NT5M: variants seen among roughly 807,000 people sequenced by gnomAD.
The protein encoded by NT5M is 5',3'-nucleotidase, mitochondrial, also known as 5'(3')-deoxyribonucleotidase, mitochondrial.
NT5M carries 22 observed loss-of-function variants against 22.2 expected under a neutral mutation model. The ratio of observed to expected loss-of-function variants is 0.99; its 90% CI spans 0.71 to 1.41. The LOEUF (loss-of-function observed/expected upper bound fraction) is 1.41. Ranked by LOEUF, NT5M falls within the 40% of genes most tolerant of loss-of-function variation. NT5M has a pLI of 0.00. For synonymous variants in NT5M, 167 were observed against 133.0 expected, an observed-to-expected ratio of 1.26 and a Z score of -1.76; for missense variants, 322 against 314.8, an observed-to-expected ratio of 1.02 and a Z score of -0.17.
rs143132450 is a variant in NT5M at position 17,331,619 on chromosome 17, A to G, written c.429+8374A>G. 2.6e-3 allele frequency among the ~76,000 whole-genome samples: 394 copies of G among 151,422 alleles called. 19 individuals are homozygous for G. Among genetic ancestry groups the G allele is most frequent in the African/African-American group, 8.9e-3 (365 of 40,846 alleles). On this transcript the variant is annotated intron_variant, in intron 3 of 4. Coordinates refer to ENST00000389022, the MANE Select transcript of NT5M (RefSeq NM_020201.4). ...TTTATGTAATTTTTTTTTTAAAGACAGAGTCTCGTTCTGTTGCCCAGGTGG... is the reference window on the plus strand; with the variant it reads ...TTTATGTAATTTTTTTTTTAAAGACGGAGTCTCGTTCTGTTGCCCAGGTGG...
At chr17:17,306,819 C>T (rs1253806977) in intron 2 of NT5M, among the ~76,000 whole-genome samples, 176 bp downstream of exon 2, 2 of 152,316 alleles carry the variant, frequency 1.3e-5, no homozygotes, top group South Asian at 2.1e-4. Context: ...ACAATGATCT[C>T]GGTTTGTAGG....
chr17:17,323,881 A>G (rs941945022), intron 3 of NT5M, among the ~76,000 whole-genome samples: 2 of 151,618 alleles, frequency 1.3e-5, no homozygotes, highest in African/African-American at 4.8e-5. Flanking sequence ...CTGGATTCCC[A>G]TTTTTTTTGA....
At chr17:17,327,915 A>T (rs2049296156) in intron 3 of NT5M, among the ~76,000 whole-genome samples, 1 of 36,686 alleles carries the variant, frequency 2.7e-5, no homozygotes, top group Non-Finnish European at 6.4e-5. Context: ...GGTCTCCCGA[A>T]GTGCTGGGAT....
intron 3 of NT5M, among the ~76,000 whole-genome samples, chr17:17,330,213 T>C (rs1332186924): frequency 2.0e-5 from 3 of 147,578 alleles, no homozygotes; most frequent in African/African-American, 7.5e-5. Context: ...GGCAGGAGAA[T>C]GGCGTGAACC....
At chr17:17,326,816 C>CT (rs1257893670) in intron 3 of NT5M, among the ~76,000 whole-genome samples, 1 of 152,204 alleles carries the variant, frequency 6.6e-6, no homozygotes, top group African/African-American at 2.4e-5. Context: ...CCTGATCAAA[C>CT]TAAACGAAAG....
chr17:17,303,378 G>A lies in NT5M; in HGVS notation c.-173G>A. ...ACCGCGCGCGCCGCGGCCTCGCTCT[G>A]GGGCCGGTACTTGCGCGCCCGCACC... On this transcript the variant is annotated 5_prime_UTR_variant, in exon 1 of 5. Coordinates refer to ENST00000389022, the MANE Select transcript of NT5M (RefSeq NM_020201.4). The A allele has an allele frequency of 1.3e-6, 1 of 768,366 alleles. No homozygotes were observed. The highest frequency in any genetic ancestry group is 1.6e-6 in the Non-Finnish European group (1 of 629,734). The allele number at this position is 768,366 out of a possible 1,614,324, so 47.6% of individuals were successfully genotyped here.
intron 4 of NT5M, 177 bp downstream of exon 4, chr17:17,345,085 TGCTCCTGGGAGCTGGGAGGA>T (rs1342066856): frequency 1.5e-6 from 1 of 652,866 alleles, no homozygotes. Flanking sequence ...TGTGGCCTGG[TGCTCCTGGGAGCTGGGAGGA>T]GTGGGTGCCA....
In NT5M at chr17:17,347,057, C is replaced by T. The variant is rs2049776879; in HGVS notation, c.*110C>T. On this transcript the variant is annotated 3_prime_UTR_variant, in exon 5 of 5. Transcript: ENST00000389022. Reference sequence around the variant, plus strand: ...GGAGTCCCTCCTAGACTCCTGGGCCCCATGACCTCCTGCTGCATGTCCCTT... The same window carrying T: ...GGAGTCCCTCCTAGACTCCTGGGCCTCATGACCTCCTGCTGCATGTCCCTT... 2.3e-6 allele frequency: 3 copies of T among 1,328,042 alleles called. No individual in the cohort carries two copies. Among genetic ancestry groups the T allele is most frequent in the African/African-American group, 1.5e-5 (1 of 68,766 alleles). 82.3% of individuals were successfully genotyped at this position (1,328,042 alleles called of 1,614,324 possible). A position where few individuals can be genotyped will look rare whatever the true frequency, so the allele number is the denominator to read the frequency against.
At chr17:17,310,158 T>G (rs6502577) in intron 2 of NT5M, among the ~76,000 whole-genome samples, 116,853 of 152,056 alleles carry the variant, frequency 0.77, 45,435 homozygotes, top group Non-Finnish European at 0.83. Context: ...AATTAAGAAA[T>G]TGAAATGAAA....
intron 3 of NT5M, among the ~76,000 whole-genome samples, chr17:17,323,819 G>A (rs1455288591): frequency 3.9e-5 from 6 of 152,130 alleles, no homozygotes; most frequent in South Asian, 2.1e-4. Context: ...CTCTGGGGGC[G>A]TCAAACCTTC....
At chr17:17,329,858 G>A (rs9914424) in intron 3 of NT5M, among the ~76,000 whole-genome samples, 38,786 of 151,928 alleles carry the variant, frequency 0.26, 5,617 homozygotes, top group African/African-American at 0.39. Flanking sequence ...TGTAGTTGCA[G>A]CATCTTGGGA....
intron 3 of NT5M, among the ~76,000 whole-genome samples, chr17:17,337,963 CAAG>C (rs1243597348): frequency 6.6e-6 from 1 of 152,126 alleles, no homozygotes; most frequent in Admixed American, 6.6e-5. Flanking sequence ...GGGTACTATT[CAAG>C]AAATCTTTGT....
At chr17:17,336,796 T>A (rs1372029073) in intron 3 of NT5M, among the ~76,000 whole-genome samples, 2 of 152,046 alleles carry the variant, frequency 1.3e-5, no homozygotes, top group African/African-American at 2.4e-5. Context: ...TGATCCACCC[T>A]CCTCGGCCTT....
At chr17:17,308,968 A>G (rs1232448645) in intron 2 of NT5M, among the ~76,000 whole-genome samples, 2 of 152,076 alleles carry the variant, frequency 1.3e-5, no homozygotes, top group Admixed American at 6.6e-5. Flanking sequence ...CAGCCATTGG[A>G]TATGTATGGA....
intron 3 of NT5M, 34 bp from the exon 4 acceptor site, chr17:17,344,760 T>G (rs770703777): frequency 6.2e-7 from 1 of 1,608,136 alleles, no homozygotes; most frequent in Non-Finnish European, 8.5e-7. Context: ...TGTCACTTTC[T>G]TCTCACCACC....
At chr17:17,324,572 C>T (rs1294181280) in intron 3 of NT5M, among the ~76,000 whole-genome samples, 4 of 152,020 alleles carry the variant, frequency 2.6e-5, no homozygotes, top group East Asian at 1.9e-4. Flanking sequence ...GGGAATCACA[C>T]TTGCTGAACA....
intron 3 of NT5M, among the ~76,000 whole-genome samples, chr17:17,330,297 CAAAAA>C (rs549526002): frequency 1.5e-5 from 1 of 68,896 alleles, no homozygotes; most frequent in Non-Finnish European, 3.2e-5. Flanking sequence ...GACTCCGTCT[CAAAAA>C]AAAAAAAACA....
At chr17:17,321,672 C>T (rs951577069) in intron 2 of NT5M, among the ~76,000 whole-genome samples, 14 of 152,010 alleles carry the variant, frequency 9.2e-5, no homozygotes, top group Middle Eastern at 3.4e-3. Context: ...TCTCCGGCAA[C>T]ATTTAGTTGC....
intron 4 of NT5M, 135 bp downstream of exon 4, chr17:17,345,043 C>A: frequency 7.4e-7 from 1 of 1,344,192 alleles, no homozygotes; most frequent in Non-Finnish European, 1.0e-6. Context: ...AGCCCCTCCC[C>A]TTCGGGAAGA....
Sources: gnomAD v4.1 joint callset for allele counts (sites outside exome capture counted in the v4.1 genomes callset) on GRCh38, gnomAD v4.1.1 for gene constraint, MANE v1.5 for transcripts, NCBI Gene and HGNC (gene_info 2026-07-23, HGNC 2026-07-21) for gene names.